The following RBFOX2 variants were observed in gnomAD, a reference collection of about 807,000 sequenced individuals.
RBFOX2 encodes the protein RNA binding protein fox-1 homolog 2.
RBFOX2 carries 10 observed loss-of-function variants against 49.1 expected under a neutral mutation model. That is an observed-to-expected ratio of 0.20 (90% confidence interval 0.13 to 0.35). The LOEUF is 0.35. Ranked by LOEUF, RBFOX2 falls within the 10% of genes least tolerant of loss-of-function variation. RBFOX2 has a pLI of 1.00. For missense variants in RBFOX2, 323 were observed against 486.9 expected, an observed-to-expected ratio of 0.66 and a Z score of 3.17; for synonymous variants, 183 against 187.4, an observed-to-expected ratio of 0.98 and a Z score of 0.19.
At chr22:36,000,717 G>A (rs2150152596) in intron 1 of RBFOX2, among the ~76,000 whole-genome samples, 1 of 152,048 alleles carries the variant, frequency 6.6e-6, no homozygotes, top group East Asian at 1.9e-4. Context: ...CCTCCCATCT[G>A]TTTTCCTTCG....
intron 1 of RBFOX2, among the ~76,000 whole-genome samples, chr22:35,976,339 C>CCA (rs1569516596): frequency 5.5e-4 from 81 of 147,570 alleles, no homozygotes; most frequent in African/African-American, 2.1e-3. Context: ...CACCACCACC[C>CCA]CCCCCTCTTA....
chr22:35,773,647 A>G (rs999881186), intron 4 of RBFOX2, among the ~76,000 whole-genome samples: 1 of 152,106 alleles, frequency 6.6e-6, no homozygotes, highest in East Asian at 1.9e-4. Context: ...AGACTTAATA[A>G]TGAGCACTAT....
At chr22:35,976,367 T>C (rs2057155078) in intron 1 of RBFOX2, among the ~76,000 whole-genome samples, 1 of 151,960 alleles carries the variant, frequency 6.6e-6, no homozygotes, top group African/African-American at 2.4e-5. Context: ...CCTCAGTCCT[T>C]CCTTCCTGTT....
At chr22:35,765,521 T>C (rs775664918) in intron 5 of RBFOX2, 38 bp from the exon 7 acceptor site, 1 of 1,337,532 alleles carries the variant, frequency 7.5e-7, no homozygotes, top group Non-Finnish European at 1.1e-6. Flanking sequence ...AGGGAAGAAG[T>C]GGACCACATT....
At chr22:35,883,519 T>C (rs373392800) in intron 1 of RBFOX2, among the ~76,000 whole-genome samples, 141 of 152,332 alleles carry the variant, frequency 9.3e-4, no homozygotes, top group African/African-American at 3.2e-3. Flanking sequence ...CCGGAGTGGC[T>C]CTTGAATTGA....
intron 1 of RBFOX2, among the ~76,000 whole-genome samples, chr22:35,960,748 A>G (rs2056107857): frequency 1.3e-5 from 2 of 152,202 alleles, no homozygotes; most frequent in African/African-American, 4.8e-5. Flanking sequence ...GCCAATTCGA[A>G]GAAACCTAGT....
At chr22:35,846,330 TTGTGTGTGTGTGTGTG>T (rs35272106) in intron 1 of RBFOX2, among the ~76,000 whole-genome samples, 8 of 140,446 alleles carry the variant, frequency 5.7e-5, no homozygotes, top group East Asian at 2.1e-4. Context: ...ATTTATATAG[TTGTGTGTGTGTGTGTG>T]TGTGTGTGTG....
At chr22:35,822,782 T>A (rs976640521) in intron 1 of RBFOX2, 9 of 422,628 alleles carry the variant, frequency 2.1e-5, no homozygotes, top group Non-Finnish European at 4.1e-5. Flanking sequence ...ATCAACTTCT[T>A]TGGAGACAAA....
chr22:35,905,065 T>C (rs890841013), intron 1 of RBFOX2, among the ~76,000 whole-genome samples: 1 of 152,148 alleles, frequency 6.6e-6, no homozygotes, highest in Non-Finnish European at 1.5e-5. Flanking sequence ...ATTCCAAAAT[T>C]TTCATCGGCA....
chr22:36,022,183 C>T (rs889929117), intron 1 of RBFOX2, among the ~76,000 whole-genome samples: 1 of 152,208 alleles, frequency 6.6e-6, no homozygotes, highest in Admixed American at 6.5e-5. Flanking sequence ...AGCCTGACAT[C>T]AAACTGAAGG....
At chr22:35,909,908 G>A (rs969834400) in intron 1 of RBFOX2, among the ~76,000 whole-genome samples, 1 of 152,084 alleles carries the variant, frequency 6.6e-6, no homozygotes, top group Non-Finnish European at 1.5e-5. Flanking sequence ...CCACTGTGCC[G>A]GGCCTTACTT....
intron 2 of RBFOX2, among the ~76,000 whole-genome samples, chr22:35,792,995 C>T (rs568802765): frequency 4.5e-4 from 69 of 152,334 alleles, no homozygotes; most frequent in African/African-American, 1.5e-3. Flanking sequence ...AACTCCTGGG[C>T]TCAAGAGATT....
chr22:35,991,224 G>C (rs1241841881), intron 1 of RBFOX2, among the ~76,000 whole-genome samples: 1 of 152,164 alleles, frequency 6.6e-6, no homozygotes, highest in East Asian at 1.9e-4. Flanking sequence ...GCAGTTAAGA[G>C]GCTGAAGATG....
intron 1 of RBFOX2, among the ~76,000 whole-genome samples, chr22:35,910,675 A>G (rs2049709103): frequency 6.6e-6 from 1 of 152,224 alleles, no homozygotes; most frequent in Non-Finnish European, 1.5e-5. Flanking sequence ...ACTTCCCTAG[A>G]TGATTCATTT....
chr22:35,911,280 G>A (rs2149514079), intron 1 of RBFOX2, among the ~76,000 whole-genome samples: 1 of 152,264 alleles, frequency 6.6e-6, no homozygotes, highest in East Asian at 1.9e-4. Context: ...CTACAGAAGA[G>A]TTTTAGGTAA....
chr22:35,884,313 T>C lies in RBFOX2; in HGVS notation c.-34+54534A>G, dbSNP rs560505344. 1.3e-4 allele frequency among the ~76,000 whole-genome samples: 20 copies of C among 152,288 alleles called. 1 individual carries two copies. The South Asian group carries it at 3.5e-3, about 27-fold the overall frequency. ...CACCCGGCCTAGTTATCTATTTCTATGTAACAATTCATTTTCAATCACAGT... is the reference window on the plus strand; with the variant it reads ...CACCCGGCCTAGTTATCTATTTCTACGTAACAATTCATTTTCAATCACAGT... On this transcript the variant is annotated intron_variant, in intron 1 of 13. Transcript: ENST00000359369.
intron 1 of RBFOX2, among the ~76,000 whole-genome samples, chr22:35,967,657 T>C (rs1171555401): frequency 6.6e-6 from 1 of 152,172 alleles, no homozygotes; most frequent in Non-Finnish European, 1.5e-5. Flanking sequence ...AGTGTTTAAA[T>C]AAAACTGAGA....
intron 8 of RBFOX2, 90 bp from the exon 10 acceptor site, chr22:35,760,110 A>C: frequency 6.6e-7 from 1 of 1,522,670 alleles, no homozygotes. Context: ...AATTATAGAA[A>C]AGATGGAAAG....
chr22:35,800,753 T>C (rs1476927995), intron 2 of RBFOX2, among the ~76,000 whole-genome samples: 1 of 152,182 alleles, frequency 6.6e-6, no homozygotes, highest in Non-Finnish European at 1.5e-5. Context: ...TGTCAGGCAC[T>C]GTGACAAGTC....
Sources: allele counts gnomAD v4.1 joint callset (sites outside exome capture counted in the v4.1 genomes callset), GRCh38; gene constraint gnomAD v4.1.1; transcripts MANE v1.5; gene names NCBI Gene and HGNC (gene_info 2026-07-23, HGNC 2026-07-21).